The following FNBP1L variants were observed in gnomAD, a reference collection of about 807,000 sequenced individuals.
The protein encoded by FNBP1L is formin binding protein 1 like.
A neutral mutation model predicts 91.2 loss-of-function variants in FNBP1L; 36 were observed. That is an observed-to-expected ratio of 0.39 (90% CI 0.30 to 0.52). The LOEUF is 0.52. FNBP1L is among the 20% of genes least tolerant of loss of function. FNBP1L has a pLI of 0.66. For synonymous variants in FNBP1L, 242 were observed against 237.0 expected, an observed-to-expected ratio of 1.02 and a Z score of -0.19; for missense variants, 571 against 732.1, an observed-to-expected ratio of 0.78 and a Z score of 2.54.
rs376893802 is a variant in FNBP1L at position 93,523,353 on chromosome 1, G to A, written c.204G>A (p.Ser68=). The change falls in exon 4 of 17, where the codon TCG becomes TCA. Residue 68 remains serine (S), a synonymous_variant. Transcript: ENST00000271234. ...SSKDEEPRFT[S]CVAFFNILNE... ...GAAATGTTTTTGCCAGGTTTACCTC[G>A]TGTGTAGCCTTTTTTAATATCCTTA... The A allele has an allele frequency of 5.1e-5, 81 of 1,601,632 alleles. No homozygotes were observed. The highest frequency in any genetic ancestry group is 6.1e-5 in the Non-Finnish European group (72 of 1,174,584).
intron 8 of FNBP1L, among the ~76,000 whole-genome samples, chr1:93,533,863 A>G (rs911295946): frequency 1.3e-5 from 2 of 152,198 alleles, no homozygotes; most frequent in African/African-American, 4.8e-5. Context: ...TTAGCAAATT[A>G]TTGCTGAGGG....
At chr1:93,499,382 C>T in intron 1 of FNBP1L, 86 bp from the exon 2 acceptor site, 1 of 846,976 alleles carries the variant, frequency 1.2e-6, no homozygotes, top group Non-Finnish European at 1.9e-6. Flanking sequence ...CTCATTGCTT[C>T]TCTGTACAAA....
intron 1 of FNBP1L, among the ~76,000 whole-genome samples, chr1:93,465,047 A>G (rs1669024548): frequency 6.6e-6 from 1 of 152,072 alleles, no homozygotes; most frequent in Admixed American, 6.6e-5. Flanking sequence ...ATCAGGGGAA[A>G]CTTTTTCTGT....
chr1:93,506,483 A>G (rs964286528), intron 2 of FNBP1L, among the ~76,000 whole-genome samples: 5 of 152,084 alleles, frequency 3.3e-5, no homozygotes, highest in South Asian at 2.1e-4. Context: ...TGAGCCCACA[A>G]ATTTGGGCCA....
rs12037016 is a variant in FNBP1L, at chr1:93,472,003, G to A, written c.24+23698G>A. On this transcript the variant is annotated intron_variant, in intron 1 of 16. Coordinates refer to ENST00000271234, the MANE Select transcript of FNBP1L (RefSeq NM_001164473.3). ...GTCTGAGAAATGGTGCTGTTAATTA[G>A]CAGTACAGAAATCTGGACAATCATT... Among the ~76,000 whole-genome samples the A allele has an allele frequency of 2.5e-4, 38 of 152,256 alleles. No homozygotes were observed. The East Asian group carries it at 7.1e-3, about 29-fold the overall frequency.
chr1:93,508,629 A>G (rs1179214509), intron 2 of FNBP1L, among the ~76,000 whole-genome samples: 3 of 151,964 alleles, frequency 2.0e-5, no homozygotes, highest in Non-Finnish European at 4.4e-5. Context: ...AAATACAGTT[A>G]TTTTCTTCCT....
rs1668329542 is a variant in FNBP1L, at chr1:93,448,139, T to C, written c.-143T>C. 2 of 1,059,254 alleles carry C rather than the reference T, an allele frequency of 1.9e-6. No homozygotes were observed. Among genetic ancestry groups the C allele is most frequent in the African/African-American group, 1.7e-5 (1 of 59,000 alleles). 65.6% of individuals were successfully genotyped at this position (1,059,254 alleles called of 1,614,324 possible). A position where few individuals can be genotyped will look rare whatever the true frequency, so the allele number is the denominator to read the frequency against. ...CTCCAGTCGCGTCTTTCTCACTCAC[T>C]GGGGAGCCCGGCGGTGGCGGCACCT... On this transcript the variant is annotated 5_prime_UTR_variant, in exon 1 of 17. Coordinates refer to ENST00000271234, the MANE Select transcript of FNBP1L (RefSeq NM_001164473.3).
Position 93,551,092 on chromosome 1 carries a change from GA to G in FNBP1L, c.1802del (p.Asn601ThrfsTer10). ...CGTCATACATAGATGTAACTCTAGA[GA>G]AAAACAGTAAAGGTGCAGTAACTTA... ...PTSYIDVTLE[K>X]NSKGS On this transcript the variant is annotated frameshift_variant, in exon 16 of 17. Coordinates refer to ENST00000271234, the MANE Select transcript of FNBP1L (RefSeq NM_001164473.3). LOFTEE classifies it high-confidence loss of function. 1 of 1,607,536 alleles carries G rather than the reference GA, an allele frequency of 6.2e-7. No homozygotes were observed. The highest frequency in any genetic ancestry group is 1.1e-5 in the South Asian group (1 of 90,112).
chr1:93,529,581 C>T (rs1311365793), intron 5 of FNBP1L, 71 bp from the exon 6 acceptor site: 5 of 963,394 alleles, frequency 5.2e-6, no homozygotes, highest in Non-Finnish European at 6.0e-6. Context: ...CTAATGCTCT[C>T]TAAAGTTATT....
rs1672511268 is a variant in FNBP1L, at chr1:93,554,444, T to C, written c.*2028T>C. The C allele has an allele frequency of 6.6e-6, 1 of 152,652 alleles. No homozygotes were observed. Among genetic ancestry groups the C allele is most frequent in the Non-Finnish European group, 1.5e-5 (1 of 68,034 alleles). The allele number at this position is 152,652 out of a possible 1,614,324, so 9.5% of individuals were successfully genotyped here. ...GATGTGGAATAGTGCAACCTGTATATGGGTTATTATAATAGGAAAGACATT... is the reference window on the plus strand; with the variant it reads ...GATGTGGAATAGTGCAACCTGTATACGGGTTATTATAATAGGAAAGACATT... On this transcript the variant is annotated 3_prime_UTR_variant, in exon 17 of 17. Coordinates refer to ENST00000271234, the MANE Select transcript of FNBP1L (RefSeq NM_001164473.3).
chr1:93,488,747 A>T (rs1050547609), intron 1 of FNBP1L, among the ~76,000 whole-genome samples: 2 of 152,224 alleles, frequency 1.3e-5, no homozygotes, highest in Non-Finnish European at 2.9e-5. Flanking sequence ...CATTTTAACA[A>T]CTGAACTTGT....
chr1:93,502,543 T>C (rs551769208), intron 2 of FNBP1L, among the ~76,000 whole-genome samples: 24 of 152,294 alleles, frequency 1.6e-4, no homozygotes, highest in African/African-American at 5.1e-4. Context: ...CTTCTCTCTG[T>C]TCTGAGACTG....
At chr1:93,497,253 C>T (rs566145783) in intron 1 of FNBP1L, among the ~76,000 whole-genome samples, 104 of 152,302 alleles carry the variant, frequency 6.8e-4, no homozygotes, top group African/African-American at 2.3e-3. Context: ...TGAGCCAGTG[C>T]ACCTGGCCTG....
chr1:93,503,504 CA>C, intron 2 of FNBP1L, among the ~76,000 whole-genome samples: 1 of 152,148 alleles, frequency 6.6e-6, no homozygotes, highest in African/African-American at 2.4e-5. Context: ...TTGGTAATTC[CA>C]GATTGTTTTA....
At chr1:93,469,812 A>G (rs1264793572) in intron 1 of FNBP1L, among the ~76,000 whole-genome samples, 1 of 152,020 alleles carries the variant, frequency 6.6e-6, no homozygotes, top group Non-Finnish European at 1.5e-5. Context: ...CTCTAAGAAA[A>G]TAAAAATAAA....
intron 1 of FNBP1L, among the ~76,000 whole-genome samples, chr1:93,458,651 C>A (rs1324877603): frequency 2.0e-5 from 3 of 151,950 alleles, no homozygotes; most frequent in Non-Finnish European, 2.9e-5. Context: ...AGCTTCTACA[C>A]AACAAAGGAA....
intron 1 of FNBP1L, among the ~76,000 whole-genome samples, chr1:93,463,977 A>G (rs569077722): frequency 1.4e-4 from 21 of 152,326 alleles, no homozygotes; most frequent in Non-Finnish European, 2.5e-4. Flanking sequence ...AATGCCATGA[A>G]TCCAAGATTC....
intron 2 of FNBP1L, among the ~76,000 whole-genome samples, chr1:93,512,451 C>A (rs1670891124): frequency 6.6e-6 from 1 of 151,990 alleles, no homozygotes; most frequent in Non-Finnish European, 1.5e-5. Context: ...CTCTCCACCC[C>A]AAATCAACAG....
At chr1:93,540,543 G>T (rs892865167) in intron 10 of FNBP1L, among the ~76,000 whole-genome samples, 1 of 151,916 alleles carries the variant, frequency 6.6e-6, no homozygotes, top group Non-Finnish European at 1.5e-5. Context: ...TCTAACCATG[G>T]TATATTTAAA....
Sources: gnomAD v4.1 joint callset for allele counts (sites outside exome capture counted in the v4.1 genomes callset) on GRCh38, gnomAD v4.1.1 for gene constraint, MANE v1.5 for transcripts, NCBI Gene and HGNC (gene_info 2026-07-23, HGNC 2026-07-21) for gene names.